The following DOT1L variants were observed in gnomAD, a reference collection of about 807,000 sequenced individuals.
DOT1L encodes the protein DOT1 like histone lysine methyltransferase, also known as histone-lysine N-methyltransferase, H3 lysine-79 specific.
A neutral mutation model predicts 153.3 loss-of-function variants in DOT1L; 33 were observed. That is an observed-to-expected ratio of 0.22 (90% confidence interval 0.16 to 0.29). The LOEUF (loss-of-function observed/expected upper bound fraction) is 0.29. DOT1L is among the 10% of genes least tolerant of loss of function. DOT1L has a pLI of 1.00. For synonymous variants in DOT1L, 1,135 were observed against 965.1 expected, an observed-to-expected ratio of 1.18 and a Z score of -3.26; for missense variants, 1,847 against 2,119.9, an observed-to-expected ratio of 0.87 and a Z score of 2.53.
In DOT1L at chr19:2,226,670, C is replaced by T. The variant is rs2144933983; in HGVS notation, c.4149C>T (p.Gly1383=). Residue 1383 remains glycine (G), a synonymous_variant, in exon 27 of 28, where the codon GGC becomes GGT. Coordinates refer to ENST00000398665, the MANE Select transcript of DOT1L (RefSeq NM_032482.3). ...LDGLAGLKGE[G]SRGKEAGEGG... is the part of the protein sequence containing the mutation. ...GCCTGGCTGGGCTGAAGGGCGAGGG[C>T]AGCCGCGGCAAGGAGGCAGGGGAGG... is the stretch of plus-strand genomic sequence containing the variant. 1 of 1,576,738 alleles carries T rather than the reference C, an allele frequency of 6.3e-7. No homozygotes were observed. Among genetic ancestry groups the T allele is most frequent in the Non-Finnish European group, 8.6e-7 (1 of 1,165,278 alleles).
At chr19:2,175,155 C>T (rs1437035913) in intron 1 of DOT1L, among the ~76,000 whole-genome samples, 5 of 151,942 alleles carry the variant, frequency 3.3e-5, no homozygotes, top group East Asian at 1.9e-4. Flanking sequence ...CCCACCACCA[C>T]GCCCGGTTAA....
At chr19:2,166,190 G>T (rs766992735) in intron 1 of DOT1L, among the ~76,000 whole-genome samples, 2 of 151,952 alleles carry the variant, frequency 1.3e-5, no homozygotes, top group African/African-American at 4.8e-5. Context: ...TCAGCCTCCC[G>T]GGTTCAAGCG....
chr19:2,199,608 C>A (rs948424927), intron 7 of DOT1L, among the ~76,000 whole-genome samples: 4 of 152,188 alleles, frequency 2.6e-5, no homozygotes, highest in Non-Finnish European at 5.9e-5. Flanking sequence ...GGTGTGGCCG[C>A]AGTCCCCTTG....
In DOT1L at chr19:2,223,780, G is replaced by A. The variant is rs532697860; in HGVS notation, c.3596+294G>A. ...AGGAGAGAAGCTTCAGCAGTGAGGC[G>A]TTGGAGGTCTCATCCACACGTCTTG... is the stretch of plus-strand genomic sequence containing the variant. On this transcript the variant is annotated intron_variant, in intron 25 of 27. Transcript: ENST00000398665. Among the ~76,000 whole-genome samples, 4 of 152,310 alleles carry A rather than the reference G, an allele frequency of 2.6e-5. No individual in the cohort carries two copies. In the East Asian group the frequency reaches 5.8e-4, roughly 22 times the overall value.
At chr19:2,218,597 G>T (rs752241699) in intron 22 of DOT1L, among the ~76,000 whole-genome samples, 5 of 151,956 alleles carry the variant, frequency 3.3e-5, no homozygotes, top group South Asian at 4.1e-4. Context: ...GTTTCACCGT[G>T]TTAGCCAGGA....
rs1361353159 is a variant in DOT1L, at chr19:2,228,754, G to A, written c.4607-1031G>A. The A allele has an allele frequency of 3.0e-6, 3 of 985,308 alleles. No homozygotes were observed. In the African/African-American group the frequency reaches 5.2e-5, roughly 17 times the overall value. 61.0% of individuals were successfully genotyped at this position (985,308 alleles called of 1,614,324 possible). A position where few individuals can be genotyped will look rare whatever the true frequency, so the allele number is the denominator to read the frequency against. On this transcript the variant is annotated intron_variant, in intron 27 of 27. Coordinates refer to ENST00000398665, the MANE Select transcript of DOT1L (RefSeq NM_032482.3). ...AGGGCTCCATCCGCACCAGGCCCAGGTCACTCATGACGGGTGGCGTGGCTT... is the reference window on the plus strand; with the variant it reads ...AGGGCTCCATCCGCACCAGGCCCAGATCACTCATGACGGGTGGCGTGGCTT...
At chr19:2,227,963 C>A in intron 27 of DOT1L, 1 of 1,249,460 alleles carries the variant, frequency 8.0e-7, no homozygotes, top group Non-Finnish European at 1.0e-6. Flanking sequence ...TGGGCCGGTC[C>A]CCCGCGGGGC....
chr19:2,221,900 G>C lies in DOT1L; in HGVS notation c.2807-76G>C, dbSNP rs561245851. ...CTCCTGGAGCCCACAGAGCTCCTAG[G>C]GGGTGGTGCTCCCACAGCAAGGCTT... On this transcript the variant is annotated intron_variant, in intron 23 of 27. Coordinates refer to ENST00000398665, the MANE Select transcript of DOT1L (RefSeq NM_032482.3). 8.5e-6 allele frequency: 12 copies of C among 1,404,756 alleles called. No individual in the cohort carries two copies. In the African/African-American group the frequency reaches 8.6e-5, roughly 10 times the overall value. 87.0% of individuals were successfully genotyped at this position (1,404,756 alleles called of 1,614,324 possible). A position where few individuals can be genotyped will look rare whatever the true frequency, so the allele number is the denominator to read the frequency against.
chr19:2,176,665 C>T (rs1406152413), intron 1 of DOT1L, among the ~76,000 whole-genome samples: 1 of 152,176 alleles, frequency 6.6e-6, no homozygotes, highest in Non-Finnish European at 1.5e-5. Context: ...GCCGACAGCC[C>T]CCTCCAACCT....
intron 22 of DOT1L, among the ~76,000 whole-genome samples, chr19:2,218,698 CT>C (rs976164808): frequency 2.5e-4 from 36 of 145,508 alleles, no homozygotes; most frequent in African/African-American, 7.6e-4. Context: ...TGGCCTCTTT[CT>C]TTTTTTTTAT....
At chr19:2,199,490 T>G (rs1200774536) in intron 7 of DOT1L, among the ~76,000 whole-genome samples, 8 of 152,232 alleles carry the variant, frequency 5.3e-5, no homozygotes, top group Non-Finnish European at 1.2e-4. Flanking sequence ...CTGCAGGCCC[T>G]GCCTCGGGGC....
chr19:2,218,977 T>A (rs2024014114), intron 22 of DOT1L, among the ~76,000 whole-genome samples: 1 of 152,184 alleles, frequency 6.6e-6, no homozygotes, highest in Admixed American at 6.5e-5. Context: ...GTTCAAGCAG[T>A]TCTCCTGCCT....
At chr19:2,186,201 T>C (rs1248055088) in intron 3 of DOT1L, among the ~76,000 whole-genome samples, 3 of 152,260 alleles carry the variant, frequency 2.0e-5, no homozygotes, top group Non-Finnish European at 4.4e-5. Flanking sequence ...TAGTGATCGC[T>C]CTTTTTATAG....
Position 2,222,492 on chromosome 19 carries a change from G to A in DOT1L, c.3323G>A (p.Arg1108Gln), listed in dbSNP as rs1377347309. 10 of 1,590,208 alleles carry A rather than the reference G, an allele frequency of 6.3e-6. No homozygotes were observed. The highest frequency in any genetic ancestry group is 2.2e-5 in the East Asian group (1 of 44,598). The change falls in exon 24 of 28, where the codon CGA (arginine) becomes CAA (glutamine). Residue 1108 changes from arginine (R) to glutamine (Q), a missense_variant. Arg to Gln is a conservative substitution (Grantham distance 43, BLOSUM62 1). Around this residue, in one of 8 missense-constraint regions of DOT1L, gnomAD observed 934 missense variants for 825.3 expected, o/e 1.13. Coordinates refer to ENST00000398665, the MANE Select transcript of DOT1L (RefSeq NM_032482.3). This position sits in a 1 kb window ranked among gnomAD's most constrained non-coding sequence, Gnocchi z 6.5. ...SLSAGVSPKR[R>Q]ALPSVAGLFT... ...AGCGCAGGCGTGTCCCCCAAGCGCC[G>A]AGCCCTGCCGTCCGTCGCTGGCCTT...
intron 2 of DOT1L, among the ~76,000 whole-genome samples, chr19:2,182,723 T>C (rs1334382349): frequency 2.0e-5 from 3 of 151,622 alleles, no homozygotes; most frequent in Non-Finnish European, 4.4e-5. Flanking sequence ...CTGCACCTGC[T>C]CCCCATGGGA....
At position 2,230,608 on chromosome 19, in the gene DOT1L, T is replaced by C. The variant is rs537083578; in HGVS notation, c.*816T>C. On this transcript the variant is annotated 3_prime_UTR_variant, in exon 28 of 28. Coordinates refer to ENST00000398665, the MANE Select transcript of DOT1L (RefSeq NM_032482.3). Reference sequence around the variant, plus strand: ...GGCAGGCCTGTCGTGGGTCCCTTGGTGTTTCTGTACAGGAGAGAGTCACAC... The same window carrying C: ...GGCAGGCCTGTCGTGGGTCCCTTGGCGTTTCTGTACAGGAGAGAGTCACAC... 1.4e-3 allele frequency: 549 copies of C among 398,680 alleles called. 3 individuals carry two copies. The highest frequency in any genetic ancestry group is 1.7e-3 in the Non-Finnish European group (382 of 226,064). 24.7% of individuals were successfully genotyped at this position (398,680 alleles called of 1,614,324 possible). A position where few individuals can be genotyped will look rare whatever the true frequency, so the allele number is the denominator to read the frequency against.
chr19:2,211,710 C>T (rs535865468), intron 15 of DOT1L, 41 bp from the exon 16 acceptor site: 3 of 1,517,832 alleles, frequency 2.0e-6, no homozygotes, highest in Admixed American at 2.0e-5. Flanking sequence ...CTCTCAGTCT[C>T]AGCTGCTCTC....
chr19:2,182,967 C>T (rs1248325938), intron 2 of DOT1L, among the ~76,000 whole-genome samples: 2 of 152,168 alleles, frequency 1.3e-5, no homozygotes, highest in Admixed American at 6.5e-5. Context: ...GCATCCGCGA[C>T]GTAGGCAGAG....
chr19:2,203,466 TC>T (rs1387313744), intron 9 of DOT1L, among the ~76,000 whole-genome samples: 1 of 151,944 alleles, frequency 6.6e-6, no homozygotes, highest in African/African-American at 2.4e-5. Flanking sequence ...GGGGCAAGAG[TC>T]CCCTTTATTC....
Sources: allele counts gnomAD v4.1 joint callset (sites outside exome capture counted in the v4.1 genomes callset), GRCh38; gene constraint gnomAD v4.1.1; regional missense constraint gnomAD v4.1.1; non-coding constraint Gnocchi (gnomAD v3.1); transcripts MANE v1.5; gene names NCBI Gene and HGNC (gene_info 2026-07-23, HGNC 2026-07-21).